AUH: variants seen among roughly 807,000 people sequenced by gnomAD.
AUH encodes the protein AU RNA binding methylglutaconyl-CoA hydratase.
Under a neutral mutation model 42.3 loss-of-function variants are expected in AUH, and 29 were observed. The ratio of observed to expected loss-of-function variants is 0.69; its 90% confidence interval spans 0.51 to 0.93. The LOEUF is 0.93. Ranked by LOEUF, AUH falls within the 40% of genes least tolerant of loss-of-function variation. The pLI, the probability that AUH is intolerant of heterozygous loss-of-function variation, is 0.00. For synonymous variants in AUH, 174 were observed against 166.4 expected, an observed-to-expected ratio of 1.05 and a Z score of -0.35; for missense variants, 452 against 438.1, an observed-to-expected ratio of 1.03 and a Z score of -0.28.
chr9:91,332,644 C>T (rs1278491048), intron 3 of AUH, among the ~76,000 whole-genome samples: 1 of 152,120 alleles, frequency 6.6e-6, no homozygotes, highest in African/African-American at 2.4e-5. Flanking sequence ...GGGAGCACAG[C>T]TTTTGGCCAG....
intron 1 of AUH, among the ~76,000 whole-genome samples, chr9:91,361,182 G>C (rs1179417339): frequency 6.6e-6 from 1 of 152,200 alleles, no homozygotes; most frequent in East Asian, 1.9e-4. Context: ...CAGCTGAGCA[G>C]CTTCAAATTT....
intron 6 of AUH, among the ~76,000 whole-genome samples, chr9:91,267,796 T>TC (rs1272567255): frequency 6.6e-6 from 1 of 152,068 alleles, no homozygotes; most frequent in Non-Finnish European, 1.5e-5. Context: ...GGAGCTCATT[T>TC]CCCCTTTCCT....
At chr9:91,284,651 G>A (rs543267189) in intron 6 of AUH, among the ~76,000 whole-genome samples, 14 of 152,030 alleles carry the variant, frequency 9.2e-5, no homozygotes, top group Non-Finnish European at 1.5e-4. Flanking sequence ...CAAAGTAGGC[G>A]AAGGATATGA....
chr9:91,333,019 G>A (rs138343938), intron 3 of AUH, among the ~76,000 whole-genome samples: 1 of 152,170 alleles, frequency 6.6e-6, no homozygotes, highest in Admixed American at 6.5e-5. Flanking sequence ...CCAGGCAGTA[G>A]ATATCAGCAG....
At chr9:91,319,448 G>A (rs1587849604) in intron 4 of AUH, among the ~76,000 whole-genome samples, 1 of 152,298 alleles carries the variant, frequency 6.6e-6, no homozygotes, top group East Asian at 1.9e-4. Flanking sequence ...GTAATTGTCA[G>A]GCGGCTGTTA....
At chr9:91,226,125 C>T (rs1276782894) in intron 6 of AUH, among the ~76,000 whole-genome samples, 6 of 149,680 alleles carry the variant, frequency 4.0e-5, no homozygotes, top group African/African-American at 1.5e-4. Flanking sequence ...GGAATCACCA[C>T]ACTGACTTCC....
At chr9:91,347,463 C>T (rs1249946226) in intron 3 of AUH, among the ~76,000 whole-genome samples, 1 of 152,180 alleles carries the variant, frequency 6.6e-6, no homozygotes, top group Non-Finnish European at 1.5e-5. Flanking sequence ...TCTCTGGCCC[C>T]TTTCCCCTCT....
At chr9:91,233,447 A>G (rs1271617974) in intron 6 of AUH, among the ~76,000 whole-genome samples, 1 of 152,114 alleles carries the variant, frequency 6.6e-6, no homozygotes, top group Non-Finnish European at 1.5e-5. Context: ...TCTGAGGGGG[A>G]CAAGAAGCCA....
At chr9:91,360,381 G>A (rs1478115381) in intron 1 of AUH, 1 of 152,146 alleles carries the variant, frequency 6.6e-6, no homozygotes. Context: ...CTTATGTTAC[G>A]TCCCAAATAC....
At chr9:91,240,920 C>G (rs992365655) in intron 6 of AUH, among the ~76,000 whole-genome samples, 2 of 152,076 alleles carry the variant, frequency 1.3e-5, no homozygotes, top group Non-Finnish European at 2.9e-5. Flanking sequence ...AACATCTCTA[C>G]AGTTCATGGC....
At chr9:91,322,862 G>A (rs1267629132) in intron 4 of AUH, among the ~76,000 whole-genome samples, 1 of 152,106 alleles carries the variant, frequency 6.6e-6, no homozygotes, top group East Asian at 1.9e-4. Context: ...AGTAATGTAT[G>A]GCCACCGCAG....
intron 1 of AUH, among the ~76,000 whole-genome samples, chr9:91,359,153 C>T (rs1832662354): frequency 6.6e-6 from 1 of 152,166 alleles, no homozygotes; most frequent in African/African-American, 2.4e-5. Context: ...CTCTATAAAG[C>T]TCACACAACT....
intron 6 of AUH, among the ~76,000 whole-genome samples, chr9:91,264,418 C>T (rs1829861278): frequency 6.6e-6 from 1 of 152,090 alleles, no homozygotes; most frequent in African/African-American, 2.4e-5. Flanking sequence ...AAGTTGTCAA[C>T]CATTGTTTTG....
intron 7 of AUH, 99 bp downstream of exon 7, chr9:91,220,706 C>A: frequency 6.7e-6 from 9 of 1,347,248 alleles, no homozygotes; most frequent in South Asian, 1.2e-5. Context: ...TGGAAGCAAG[C>A]CAGGGACTTC....
chr9:91,336,652 T>A (rs1587887626), intron 3 of AUH, among the ~76,000 whole-genome samples: 12 of 116,644 alleles, frequency 1.0e-4, no homozygotes, highest in African/African-American at 2.3e-4. Flanking sequence ...AAAAAAGAAA[T>A]GAACCTCCAT....
At chr9:91,311,283 A>C (rs1683404154) in intron 4 of AUH, among the ~76,000 whole-genome samples, 1 of 152,194 alleles carries the variant, frequency 6.6e-6, no homozygotes, top group Non-Finnish European at 1.5e-5. Context: ...AAATACATGA[A>C]TTTTGTCAGC....
At chr9:91,268,054 C>A (rs182280114) in intron 6 of AUH, among the ~76,000 whole-genome samples, 1 of 152,176 alleles carries the variant, frequency 6.6e-6, no homozygotes, top group East Asian at 1.9e-4. Flanking sequence ...TGTTCTCAAG[C>A]AGAAAAAATG....
rs561762790 is a variant in AUH at position 91,259,609 on chromosome 9, C to T, written c.655+36412G>A. Among the ~76,000 whole-genome samples the T allele has an allele frequency of 9.4e-4, 143 of 152,190 alleles. 1 individual carries two copies. Among genetic ancestry groups the T allele is most frequent in the African/African-American group, 3.1e-3 (128 of 41,546 alleles). On this transcript the variant is annotated intron_variant, in intron 6 of 9. Coordinates refer to ENST00000375731, the MANE Select transcript of AUH (RefSeq NM_001698.3). ...CCTTCAAGCATTGTTTTATCTACATCCCACAAAATTTAATGTTTTCATTTT... is the reference window on the plus strand; with the variant it reads ...CCTTCAAGCATTGTTTTATCTACATTCCACAAAATTTAATGTTTTCATTTT...
chr9:91,281,294 T>G lies in AUH; in HGVS notation c.655+14727A>C, dbSNP rs181399170. On this transcript the variant is annotated intron_variant, in intron 6 of 9. Coordinates refer to ENST00000375731, the MANE Select transcript of AUH (RefSeq NM_001698.3). ...CACTCACTCTCTCTTTTGTTCATCT[T>G]CATTCTGCAATTCAGTCCATCCAGT... 3.4e-3 allele frequency among the ~76,000 whole-genome samples: 524 copies of G among 152,316 alleles called. 3 individuals carry two copies. Among genetic ancestry groups the G allele is most frequent in the African/African-American group, 0.012 (502 of 41,560 alleles).
Sources: allele counts gnomAD v4.1 joint callset (sites outside exome capture counted in the v4.1 genomes callset), GRCh38; gene constraint gnomAD v4.1.1; transcripts MANE v1.5; gene names NCBI Gene and HGNC (gene_info 2026-07-23, HGNC 2026-07-21).